Variants in NSUN6 observed in about 807,000 individuals in gnomAD.
The protein encoded by NSUN6 is NOP2/Sun RNA methyltransferase 6.
NSUN6 carries 64 observed loss-of-function variants against 58.0 expected under a neutral mutation model. That is an observed-to-expected ratio of 1.10 (90% CI 0.90 to 1.36). NSUN6 has a LOEUF of 1.36. NSUN6 is among the 40% of genes most tolerant of loss of function. The pLI is 0.00. For missense variants in NSUN6, 701 were observed against 550.1 expected (o/e 1.27, Z -2.74); for synonymous variants, 231 against 193.9 (o/e 1.19, Z -1.59).
intron 8 of NSUN6, among the ~76,000 whole-genome samples, 174 bp from the exon 9 acceptor site, chr10:18,552,145 ATGTGG>A (rs2054645335): frequency 6.8e-6 from 1 of 147,558 alleles, no homozygotes; most frequent in African/African-American, 2.5e-5. Context: ...TACAGATTTG[ATGTGG>A]TAGAAAGGTT....
intron 3 of NSUN6, among the ~76,000 whole-genome samples, chr10:18,636,021 C>T (rs2059203004): frequency 6.6e-6 from 1 of 151,310 alleles, no homozygotes; most frequent in South Asian, 2.1e-4. Flanking sequence ...TAGATTTCTT[C>T]ACAATAACAT....
At chr10:18,638,833 A>G (rs1365822454) in intron 3 of NSUN6, among the ~76,000 whole-genome samples, 1 of 151,912 alleles carries the variant, frequency 6.6e-6, no homozygotes, top group Non-Finnish European at 1.5e-5. Context: ...ACTCACCAAC[A>G]ACGACATTAA....
intron 3 of NSUN6, among the ~76,000 whole-genome samples, chr10:18,641,192 T>C (rs951791088): frequency 5.3e-5 from 8 of 152,138 alleles, no homozygotes; most frequent in Admixed American, 5.2e-4. Flanking sequence ...AAACCACTGC[T>C]CTATTGCTGC....
chr10:18,563,660 GATTCCATTCCATTCTCT>G (rs1397841608), intron 8 of NSUN6, among the ~76,000 whole-genome samples: 142 of 144,582 alleles, frequency 9.8e-4, no homozygotes, highest in Middle Eastern at 8.3e-3. Flanking sequence ...TGCTCCATTC[GATTCCATTCCATTCTCT>G]ATACCATTCC....
chr10:18,555,653 A>AGAATGGAATGGAATG (rs140039483), intron 8 of NSUN6, among the ~76,000 whole-genome samples: 26 of 147,304 alleles, frequency 1.8e-4, no homozygotes, highest in East Asian at 4.4e-4. Flanking sequence ...AATGGAGAAC[A>AGAATGGAATGGAATG]GAATGGAATG....
intron 8 of NSUN6, among the ~76,000 whole-genome samples, chr10:18,562,690 T>A (rs968559777): frequency 6.9e-6 from 1 of 145,452 alleles, no homozygotes; most frequent in Non-Finnish European, 1.5e-5. Context: ...GAATGCAGAA[T>A]AGAGAACGGA....
intron 8 of NSUN6, among the ~76,000 whole-genome samples, chr10:18,580,907 G>C (rs1416959356): frequency 1.3e-5 from 2 of 152,174 alleles, no homozygotes; most frequent in Non-Finnish European, 2.9e-5. Flanking sequence ...TCTTGGTTGA[G>C]GCAAATTTTA....
In NSUN6 at chr10:18,636,495, A is replaced by AAAAAC. The variant is rs891039294; in HGVS notation, c.311+5976_311+5980dup. Among the ~76,000 whole-genome samples, 4 of 151,260 alleles carry AAAAAC rather than the reference A, an allele frequency of 2.6e-5. No individual in the cohort carries two copies. In the South Asian group the frequency reaches 6.3e-4, roughly 24 times the overall value. ...GGGCAGCACAGCAAGACCCCATCTC[A>AAAAAC]AAAACAAAACAAAACAAAAAACAGT... On this transcript the variant is annotated intron_variant, in intron 3 of 10. Transcript: ENST00000377304.
intron 7 of NSUN6, among the ~76,000 whole-genome samples, chr10:18,592,059 A>T (rs1369973476): frequency 6.6e-6 from 1 of 152,184 alleles, no homozygotes; most frequent in Non-Finnish European, 1.5e-5. Context: ...AATCACAAGC[A>T]TTCCTTTACA....
At chr10:18,612,421 A>T (rs968244698) in intron 5 of NSUN6, among the ~76,000 whole-genome samples, 1 of 152,180 alleles carries the variant, frequency 6.6e-6, no homozygotes, top group Non-Finnish European at 1.5e-5. Flanking sequence ...TATTTCTAAA[A>T]GAAAAAAGCA....
Position 18,570,535 on chromosome 10 carries a change from A to G in NSUN6, c.922+15414T>C, listed in dbSNP as rs202178147. ...CATTCCATTCTCCATTCCATCCTCC[A>G]TTCCATTCCGCTCTTTTCCATTCTC... On this transcript the variant is annotated intron_variant, in intron 8 of 10. Transcript: ENST00000377304. Among the ~76,000 whole-genome samples, 63 of 122,982 alleles carry G rather than the reference A, an allele frequency of 5.1e-4. No individual in the cohort carries two copies. The East Asian group carries it at 5.9e-3, about 11-fold the overall frequency. The allele number at this position is 122,982 out of a possible 152,430, so 80.7% of individuals were successfully genotyped here.
intron 6 of NSUN6, among the ~76,000 whole-genome samples, chr10:18,608,083 T>A (rs912427381): frequency 6.6e-6 from 1 of 152,204 alleles, no homozygotes; most frequent in African/African-American, 2.4e-5. Context: ...CAGCTTTCAC[T>A]AGAGAAATGA....
At chr10:18,547,449 C>A (rs1299031981) in intron 10 of NSUN6, among the ~76,000 whole-genome samples, 2 of 152,200 alleles carry the variant, frequency 1.3e-5, no homozygotes, top group Admixed American at 1.3e-4. Context: ...ATTCCCATTA[C>A]CTAATTTCTG....
intron 7 of NSUN6, among the ~76,000 whole-genome samples, chr10:18,587,009 C>T (rs1240998867): frequency 2.6e-5 from 4 of 152,182 alleles, no homozygotes; most frequent in African/African-American, 9.6e-5. Flanking sequence ...GTTGGCTTCA[C>T]CTCTCATGTA....
Position 18,578,315 on chromosome 10 carries a change from C to T in NSUN6, c.922+7634G>A, listed in dbSNP as rs889010226. On this transcript the variant is annotated intron_variant, in intron 8 of 10. Coordinates refer to ENST00000377304, the MANE Select transcript of NSUN6 (RefSeq NM_182543.5). The stretch of plus-strand genomic sequence containing the variant: ...GTGGCACCATCTCGGCTCACTGCAA[C>T]CCCCGCCTCCTGGGTTCAAGCGATT... Among the ~76,000 whole-genome samples, 3 of 148,862 alleles carry T rather than the reference C, an allele frequency of 2.0e-5. No homozygotes were observed. The South Asian group carries it at 6.3e-4, about 31-fold the overall frequency.
At chr10:18,554,278 A>AGAATG (rs553726440) in intron 8 of NSUN6, among the ~76,000 whole-genome samples, 90 of 151,408 alleles carry the variant, frequency 5.9e-4, no homozygotes, top group African/African-American at 2.0e-3. Flanking sequence ...TGTAGAAAGA[A>AGAATG]GAATGGAATG....
At chr10:18,620,302 T>C (rs2058559977) in intron 3 of NSUN6, among the ~76,000 whole-genome samples, 1 of 152,080 alleles carries the variant, frequency 6.6e-6, no homozygotes, top group Non-Finnish European at 1.5e-5. Flanking sequence ...TTAGCCAGGA[T>C]AGTCTCGATC....
intron 9 of NSUN6, among the ~76,000 whole-genome samples, chr10:18,548,655 T>A (rs2054430764): frequency 6.6e-6 from 1 of 152,218 alleles, no homozygotes. Flanking sequence ...CCCAGTCTTG[T>A]CTTACACTCC....
At chr10:18,556,329 A>ATGGGGAC (rs2055019258) in intron 8 of NSUN6, among the ~76,000 whole-genome samples, 6 of 150,638 alleles carry the variant, frequency 4.0e-5, no homozygotes, top group Non-Finnish European at 6.0e-5. Flanking sequence ...GGAATGGGGA[A>ATGGGGAC]TGTAATGGAA....
Sources: gnomAD v4.1 joint callset for allele counts (sites outside exome capture counted in the v4.1 genomes callset) on GRCh38, gnomAD v4.1.1 for gene constraint, MANE v1.5 for transcripts, NCBI Gene and HGNC (gene_info 2026-07-23, HGNC 2026-07-21) for gene names.